Variants in SERGEF observed in about 807,000 individuals in gnomAD.
The protein encoded by SERGEF is secretion regulating guanine nucleotide exchange factor.
In SERGEF, 51 loss-of-function variants were observed where a neutral mutation model predicts 50.0. The ratio of observed to expected loss-of-function variants is 1.02; its 90% CI spans 0.81 to 1.29. The LOEUF (loss-of-function observed/expected upper bound fraction) is 1.29, where lower values mean the gene tolerates loss of function less well. SERGEF is among the 50% of genes most tolerant of loss of function. The pLI, the probability that SERGEF is intolerant of heterozygous loss-of-function variation, is 0.00. For synonymous variants in SERGEF, 205 were observed against 212.4 expected (o/e 0.97, Z 0.30); for missense variants, 521 against 557.0 (o/e 0.94, Z 0.65).
At chr11:17,993,644 T>C (rs367594355) in intron 6 of SERGEF, among the ~76,000 whole-genome samples, 3 of 152,292 alleles carry the variant, frequency 2.0e-5, no homozygotes, top group South Asian at 2.1e-4. Context: ...AGACTTATTC[T>C]GTAACTTTTT....
chr11:17,901,255 C>T (rs886169505), intron 9 of SERGEF, among the ~76,000 whole-genome samples: 3 of 152,176 alleles, frequency 2.0e-5, no homozygotes, highest in Non-Finnish European at 4.4e-5. Flanking sequence ...AACACCTGTA[C>T]TGGACAATGG....
intron 10 of SERGEF, among the ~76,000 whole-genome samples, chr11:17,807,763 C>T (rs1177939846): frequency 2.0e-5 from 3 of 152,158 alleles, no homozygotes; most frequent in African/African-American, 7.2e-5. Flanking sequence ...GTGGCATGAT[C>T]ATGACTTGAC....
chr11:18,000,820 A>C lies in SERGEF; in HGVS notation c.448-263T>G, dbSNP rs541718564. On this transcript the variant is annotated intron_variant, in intron 4 of 10. Transcript: ENST00000265965. ...GGCACTTCTAAGGTCATCTAGTCCA[A>C]GAGTTAGTAAATGTTTTCTGTAAAG... The C allele has an allele frequency of 2.6e-5, 16 of 621,184 alleles. No individual in the cohort carries two copies. The East Asian group carries it at 4.2e-4, about 16-fold the overall frequency. The allele number at this position is 621,184 out of a possible 1,614,324, so 38.5% of individuals were successfully genotyped here.
intron 10 of SERGEF, among the ~76,000 whole-genome samples, chr11:17,806,992 C>T (rs937295247): frequency 3.9e-5 from 6 of 152,108 alleles, no homozygotes; most frequent in Admixed American, 6.5e-5. Context: ...CTTCTGATGC[C>T]GCATCTCTCC....
In SERGEF at chr11:17,790,784, C is replaced by T. The variant is rs1466992482; in HGVS notation, c.1049-2371G>A. Among the ~76,000 whole-genome samples the T allele has an allele frequency of 2.6e-5, 4 of 152,264 alleles. No individual in the cohort carries two copies. In the East Asian group the frequency reaches 7.7e-4, roughly 29 times the overall value. On this transcript the variant is annotated intron_variant, in intron 10 of 10. Coordinates refer to ENST00000265965, the MANE Select transcript of SERGEF (RefSeq NM_012139.4). ...ATCAACAATAGATATGAATTTGTTT[C>T]CTTAGATCTTACCTTTAGACTCTTG...
chr11:17,929,914 T>C (rs1852321299), intron 9 of SERGEF, among the ~76,000 whole-genome samples: 1 of 152,200 alleles, frequency 6.6e-6, no homozygotes, highest in African/African-American at 2.4e-5. Context: ...GATGGTAAGC[T>C]CCATGTGAGC....
intron 10 of SERGEF, among the ~76,000 whole-genome samples, chr11:17,863,276 G>GA (rs1037099174): frequency 6.6e-6 from 1 of 151,904 alleles, no homozygotes; most frequent in Non-Finnish European, 1.5e-5. Context: ...ATCCTTTAAC[G>GA]AAAAAAAAGT....
At chr11:18,011,936 T>A (rs1854205167) in intron 1 of SERGEF, among the ~76,000 whole-genome samples, 1 of 152,188 alleles carries the variant, frequency 6.6e-6, no homozygotes, top group Admixed American at 6.5e-5. Context: ...ATTACTTCTT[T>A]AAAAATTGGA....
intron 9 of SERGEF, among the ~76,000 whole-genome samples, chr11:17,894,596 T>C (rs1444813093): frequency 6.6e-6 from 1 of 152,218 alleles, no homozygotes; most frequent in Non-Finnish European, 1.5e-5. Flanking sequence ...CATTCATTTC[T>C]ATCCCCAGTG....
chr11:17,986,660 T>G (rs1322216673), intron 8 of SERGEF, among the ~76,000 whole-genome samples: 1 of 152,242 alleles, frequency 6.6e-6, no homozygotes, highest in Non-Finnish European at 1.5e-5. Flanking sequence ...ATTAGTCAAC[T>G]ACCTGACTAG....
chr11:17,916,379 G>A (rs1354203674), intron 9 of SERGEF, among the ~76,000 whole-genome samples: 2 of 152,144 alleles, frequency 1.3e-5, no homozygotes, highest in Non-Finnish European at 2.9e-5. Context: ...TTAAAAATTG[G>A]CATTTTGTGT....
At chr11:17,826,186 A>G (rs1191334968) in intron 10 of SERGEF, among the ~76,000 whole-genome samples, 1 of 152,212 alleles carries the variant, frequency 6.6e-6, no homozygotes, top group East Asian at 1.9e-4. Flanking sequence ...TCTTCACCAT[A>G]AGGTAGATGC....
intron 10 of SERGEF, 187 bp downstream of exon 10, chr11:17,878,021 G>T (rs932509345): frequency 2.3e-5 from 13 of 553,668 alleles, no homozygotes; most frequent in Non-Finnish European, 3.9e-5. Context: ...TCAATGATAT[G>T]AATCGAAATA....
chr11:17,809,150 G>T (rs61882411), intron 10 of SERGEF, among the ~76,000 whole-genome samples: 60,076 of 151,800 alleles, frequency 0.4, 13,719 homozygotes, highest in East Asian at 0.72. Context: ...AAGAAGAAAA[G>T]TTAGGGGAGA....
At chr11:17,848,002 A>G (rs1281195215) in intron 10 of SERGEF, among the ~76,000 whole-genome samples, 2 of 152,248 alleles carry the variant, frequency 1.3e-5, no homozygotes, top group African/African-American at 4.8e-5. Context: ...CACAATGCAT[A>G]GTCATTATAA....
chr11:17,936,687 G>C (rs894898018), intron 9 of SERGEF, among the ~76,000 whole-genome samples: 1 of 152,182 alleles, frequency 6.6e-6, no homozygotes, highest in Admixed American at 6.5e-5. Context: ...TTCACAGAGA[G>C]ACTCACAGTT....
At chr11:17,842,988 A>C (rs1197151592) in intron 10 of SERGEF, among the ~76,000 whole-genome samples, 2 of 152,240 alleles carry the variant, frequency 1.3e-5, no homozygotes, top group Admixed American at 6.5e-5. Flanking sequence ...AGTTTCTCAC[A>C]GCAAGCCCAG....
At chr11:17,904,535 C>T (rs968599950) in intron 9 of SERGEF, among the ~76,000 whole-genome samples, 3 of 152,224 alleles carry the variant, frequency 2.0e-5, no homozygotes, top group African/African-American at 7.2e-5. Context: ...CAGCTTTACT[C>T]TGTCTATTCA....
chr11:17,997,079 C>T lies in SERGEF; in HGVS notation c.509-1170G>A, dbSNP rs144041715. On this transcript the variant is annotated intron_variant, in intron 5 of 10. Coordinates refer to ENST00000265965, the MANE Select transcript of SERGEF (RefSeq NM_012139.4). ...AATTAGCCAAGCATGGTGGTGTACA[C>T]CTGCAGTCCCAGCTGCCTGAGGTGG... Among the ~76,000 whole-genome samples the T allele has an allele frequency of 4.7e-3, 721 of 152,290 alleles. 8 individuals are homozygous for T. The highest frequency in any genetic ancestry group is 0.016 in the African/African-American group (669 of 41,568).
Sources: gnomAD v4.1 joint callset for allele counts (sites outside exome capture counted in the v4.1 genomes callset) on GRCh38, gnomAD v4.1.1 for gene constraint, MANE v1.5 for transcripts, NCBI Gene and HGNC (gene_info 2026-07-23, HGNC 2026-07-21) for gene names.